Variants in FGF12 observed in about 807,000 individuals in gnomAD.
The protein encoded by FGF12 is fibroblast growth factor 12B.
A neutral mutation model predicts 23.6 loss-of-function variants in FGF12; 14 were observed. The observed-to-expected ratio is 0.59, with a 90% CI of 0.39 to 0.93. FGF12 has a LOEUF of 0.93. Among genes scored for constraint, FGF12 ranks in the 40% least tolerant of loss-of-function variants. FGF12 has a pLI of 0.00. For missense variants in FGF12, 175 were observed against 217.8 expected, an observed-to-expected ratio of 0.80 and a Z score of 1.24; for synonymous variants, 62 against 77.3, an observed-to-expected ratio of 0.80 and a Z score of 1.04.
intron 5 of FGF12, among the ~76,000 whole-genome samples, chr3:192,159,959 TG>T (rs1314481916): frequency 2.0e-5 from 3 of 150,964 alleles, no homozygotes; most frequent in Admixed American, 6.6e-5. Flanking sequence ...TGTGTGTGTG[TG>T]TGTGTGTGTG....
chr3:192,726,735 A>T (rs867650016), intron 2 of FGF12: 13 of 195,250 alleles, frequency 6.7e-5, no homozygotes, highest in African/African-American at 2.8e-4. Context: ...TACCATCTTC[A>T]TGAGGTGGGG....
chr3:192,317,696 C>T (rs1716301853), intron 4 of FGF12, among the ~76,000 whole-genome samples: 1 of 152,130 alleles, frequency 6.6e-6, no homozygotes, highest in Non-Finnish European at 1.5e-5. Flanking sequence ...CTGGTTTCAC[C>T]ACCTGCTGAT....
At chr3:192,247,187 T>C (rs191798621) in intron 4 of FGF12, among the ~76,000 whole-genome samples, 120 of 152,184 alleles carry the variant, frequency 7.9e-4, no homozygotes, top group Non-Finnish European at 1.6e-3. Flanking sequence ...GACTTGCTGA[T>C]GGGAAACATT....
At chr3:192,237,669 T>G (rs1033021474) in intron 4 of FGF12, among the ~76,000 whole-genome samples, 1 of 152,210 alleles carries the variant, frequency 6.6e-6, no homozygotes, top group Non-Finnish European at 1.5e-5. Context: ...GGAGTCAATT[T>G]TTCATCTCCA....
chr3:192,462,319 G>A (rs1722888598), intron 2 of FGF12, among the ~76,000 whole-genome samples: 1 of 152,006 alleles, frequency 6.6e-6, no homozygotes, highest in Admixed American at 6.5e-5. Context: ...GGTCTTGAGG[G>A]CTCTGACTCA....
At chr3:192,180,869 C>G (rs1716134539) in intron 4 of FGF12, among the ~76,000 whole-genome samples, 1 of 152,140 alleles carries the variant, frequency 6.6e-6, no homozygotes, top group Non-Finnish European at 1.5e-5. Flanking sequence ...GAGGTAAGCA[C>G]TGTGTATTTG....
At chr3:192,599,741 T>C (rs763617609) in intron 2 of FGF12, among the ~76,000 whole-genome samples, 55 of 152,050 alleles carry the variant, frequency 3.6e-4, no homozygotes, top group Non-Finnish European at 7.1e-4. Flanking sequence ...TGTGCTTTCA[T>C]GCAGCTGTCA....
intron 2 of FGF12, among the ~76,000 whole-genome samples, chr3:192,658,432 A>G (rs1716528571): frequency 6.6e-6 from 1 of 152,188 alleles, no homozygotes; most frequent in Non-Finnish European, 1.5e-5. Context: ...CAGCAGTTTT[A>G]TTACTTCTGC....
At chr3:192,648,963 C>T (rs1428222547) in intron 2 of FGF12, among the ~76,000 whole-genome samples, 1 of 152,078 alleles carries the variant, frequency 6.6e-6, no homozygotes, top group East Asian at 1.9e-4. Context: ...TTCAAGTCAT[C>T]CTTCTCTTTG....
chr3:192,396,064 C>T (rs1203289084), intron 2 of FGF12, among the ~76,000 whole-genome samples: 2 of 152,128 alleles, frequency 1.3e-5, no homozygotes, highest in Admixed American at 6.6e-5. Context: ...ACTGTCTGCT[C>T]TTAACCACGT....
intron 5 of FGF12, among the ~76,000 whole-genome samples, chr3:192,158,366 CTT>C (rs1261185677): frequency 3.1e-5 from 3 of 97,634 alleles, no homozygotes; most frequent in Admixed American, 1.0e-4. Context: ...TTCTTTCTTT[CTT>C]TCTTTCTTTC....
chr3:192,619,274 A>C (rs1289342335), intron 2 of FGF12, among the ~76,000 whole-genome samples: 1 of 152,090 alleles, frequency 6.6e-6, no homozygotes, highest in Non-Finnish European at 1.5e-5. Flanking sequence ...AGAACAGGTG[A>C]TGTTTGAGCT....
At chr3:192,674,110 G>A (rs1577113914) in intron 2 of FGF12, among the ~76,000 whole-genome samples, 2 of 151,010 alleles carry the variant, frequency 1.3e-5, no homozygotes, top group East Asian at 1.9e-4. Context: ...TCATACTCAG[G>A]ATTTTTTTGT....
chr3:192,272,605 C>T (rs7630498), intron 4 of FGF12, among the ~76,000 whole-genome samples: 51,767 of 151,900 alleles, frequency 0.34, 9,953 homozygotes, highest in East Asian at 0.89. Context: ...TGATACTTCC[C>T]TATTTGAGTA....
At position 192,674,756 on chromosome 3, in the gene FGF12, A is replaced by C. The variant is rs532352827; in HGVS notation, c.13+52425T>G. Among the ~76,000 whole-genome samples, 3 of 152,350 alleles carry C rather than the reference A, an allele frequency of 2.0e-5. No homozygotes were observed. In the South Asian group the frequency reaches 6.2e-4, roughly 32 times the overall value. On this transcript the variant is annotated intron_variant, in intron 2 of 5. Coordinates refer to ENST00000445105, the MANE Select transcript of FGF12 (RefSeq NM_004113.6). ...AGCCTTAGTTGAGGAACAAGACTTT[A>C]ATGGAGAAATGCTTTTTCCCAAAAG...
Position 192,507,489 on chromosome 3 carries a change from G to A in FGF12, c.14-146951C>T, listed in dbSNP as rs971510280. On this transcript the variant is annotated intron_variant, in intron 2 of 5. Transcript: ENST00000445105. Reference sequence around the variant, plus strand: ...CTAAATCTTCACCTGGGGAAGTCTCGGTTTCCTAATTTGTCTTCTATAACT... The same window carrying A: ...CTAAATCTTCACCTGGGGAAGTCTCAGTTTCCTAATTTGTCTTCTATAACT... Among the ~76,000 whole-genome samples the A allele has an allele frequency of 3.3e-5, 5 of 151,812 alleles. No individual in the cohort carries two copies. The South Asian group carries it at 6.3e-4, about 19-fold the overall frequency.
At chr3:192,701,112 A>C (rs1169545693) in intron 2 of FGF12, among the ~76,000 whole-genome samples, 1 of 152,100 alleles carries the variant, frequency 6.6e-6, no homozygotes, top group East Asian at 1.9e-4. Flanking sequence ...TGCATGATAA[A>C]ACCCCTTGGT....
chr3:192,487,274 G>A (rs192701113), intron 2 of FGF12, among the ~76,000 whole-genome samples: 226 of 152,188 alleles, frequency 1.5e-3, no homozygotes, highest in South Asian at 0.012. Context: ...CACAGCCCTT[G>A]GGAGCTGTTC....
chr3:192,259,362 T>C (rs1323821912), intron 4 of FGF12, among the ~76,000 whole-genome samples: 1 of 152,172 alleles, frequency 6.6e-6, no homozygotes, highest in African/African-American at 2.4e-5. Context: ...GTTAAGGCTA[T>C]GGTTCAATGG....
Sources: allele counts gnomAD v4.1 joint callset (sites outside exome capture counted in the v4.1 genomes callset), GRCh38; gene constraint gnomAD v4.1.1; transcripts MANE v1.5; gene names NCBI Gene and HGNC (gene_info 2026-07-23, HGNC 2026-07-21).